The following ZSWIM6 variants were observed in gnomAD, a reference collection of about 807,000 sequenced individuals.
ZSWIM6 encodes the protein zinc finger SWIM-type containing 6, also known as zinc finger SWIM domain-containing protein 6.
ZSWIM6 carries 9 observed loss-of-function variants against 113.2 expected under a neutral mutation model. That is an observed-to-expected ratio of 0.08 (90% CI 0.05 to 0.14). The LOEUF (loss-of-function observed/expected upper bound fraction) is 0.14, where lower values mean the gene tolerates loss of function less well. Among genes scored for constraint, ZSWIM6 ranks in the 10% least tolerant of loss-of-function variants. The pLI is 1.00. For synonymous variants in ZSWIM6, 611 were observed against 606.5 expected (o/e 1.01, Z -0.11); for missense variants, 1,162 against 1,552.2 (o/e 0.75, Z 4.22).
At chr5:61,333,537 C>G (rs1744316115) in intron 1 of ZSWIM6, among the ~76,000 whole-genome samples, 1 of 152,006 alleles carries the variant, frequency 6.6e-6, no homozygotes, top group Non-Finnish European at 1.5e-5. Context: ...GGCGAGCGGC[C>G]GCGGCGCTCC....
chr5:61,514,423 T>C (rs2112249788), intron 4 of ZSWIM6, among the ~76,000 whole-genome samples: 1 of 152,140 alleles, frequency 6.6e-6, no homozygotes, highest in South Asian at 2.1e-4. Context: ...TGAATAGAAG[T>C]GGTAAGAGCA....
chr5:61,333,950 T>TCCCGCGTC lies in ZSWIM6; in HGVS notation c.676+1009_676+1016dup, dbSNP rs777711190. 1.6e-3 allele frequency among the ~76,000 whole-genome samples: 236 copies of TCCCGCGTC among 152,144 alleles called. 2 individuals carry two copies. Among genetic ancestry groups the TCCCGCGTC allele is most frequent in the Middle Eastern group, 0.01 (3 of 290 alleles). The stretch of plus-strand genomic sequence containing the variant: ...GCGAGGCAGAGGGCTCGGCGGCCGC[T>TCCCGCGTC]CCCGCGTCCCCGCGGCGCGGCAGCC... On this transcript the variant is annotated intron_variant, in intron 1 of 13. Transcript: ENST00000252744.
At chr5:61,483,254 G>C (rs1449104536) in intron 2 of ZSWIM6, among the ~76,000 whole-genome samples, 2 of 151,998 alleles carry the variant, frequency 1.3e-5, no homozygotes, top group Non-Finnish European at 2.9e-5. Flanking sequence ...AAAGACACCA[G>C]TTCCCTCCCA....
chr5:61,446,018 C>T (rs971503284), intron 1 of ZSWIM6, among the ~76,000 whole-genome samples: 1 of 152,130 alleles, frequency 6.6e-6, no homozygotes, highest in Non-Finnish European at 1.5e-5. Context: ...GAATAGCAAA[C>T]GTAGTATGAA....
At chr5:61,508,070 A>G (rs1748674198) in intron 4 of ZSWIM6, among the ~76,000 whole-genome samples, 1 of 152,160 alleles carries the variant, frequency 6.6e-6, no homozygotes, top group African/African-American at 2.4e-5. Flanking sequence ...TCTGCACATC[A>G]GTTTCCTTAT....
chr5:61,434,110 C>A (rs1746646016), intron 1 of ZSWIM6, among the ~76,000 whole-genome samples: 1 of 143,644 alleles, frequency 7.0e-6, no homozygotes. Context: ...CTATATATAA[C>A]ATCTATAAAT....
intron 1 of ZSWIM6, among the ~76,000 whole-genome samples, chr5:61,398,519 T>C (rs993296226): frequency 5.9e-5 from 9 of 152,152 alleles, no homozygotes; most frequent in African/African-American, 2.2e-4. Context: ...GTATAGTGTT[T>C]AAGATTTGGG....
At chr5:61,369,925 G>C (rs57430973) in intron 1 of ZSWIM6, among the ~76,000 whole-genome samples, 22,076 of 152,196 alleles carry the variant, frequency 0.15, 1,714 homozygotes, top group Non-Finnish European at 0.17. Context: ...GGACATCTGA[G>C]ATGTCAGATT....
intron 2 of ZSWIM6, among the ~76,000 whole-genome samples, chr5:61,480,588 C>T (rs1016792451): frequency 1.3e-5 from 2 of 152,172 alleles, no homozygotes; most frequent in African/African-American, 4.8e-5. Context: ...GCTGTTTCAA[C>T]TACAACAAAA....
At chr5:61,469,991 G>GCC (rs1315116074) in intron 1 of ZSWIM6, among the ~76,000 whole-genome samples, 1 of 152,232 alleles carries the variant, frequency 6.6e-6, no homozygotes, top group Non-Finnish European at 1.5e-5. Flanking sequence ...ACAGGCATGA[G>GCC]CCACCACTCC....
chr5:61,543,430 TAG>T lies in ZSWIM6; in HGVS notation c.2786-22_2786-21del. ...CTCTGGGCAGCCTCCTCGTCAGTAA[TAG>T]AGCCTGTTTGTGTTCCTTGCAGGGG... On this transcript the variant is annotated intron_variant, in intron 13 of 13. Coordinates refer to ENST00000252744, the MANE Select transcript of ZSWIM6 (RefSeq NM_020928.2). This position sits in a 1 kb window ranked among gnomAD's most constrained non-coding sequence, Gnocchi z 4.3. The T allele has an allele frequency of 6.5e-7, 1 of 1,536,244 alleles. No individual in the cohort carries two copies. The highest frequency in any genetic ancestry group is 8.8e-7 in the Non-Finnish European group (1 of 1,138,716).
At chr5:61,536,354 A>G (rs1165413639) in intron 10 of ZSWIM6, among the ~76,000 whole-genome samples, 3 of 152,234 alleles carry the variant, frequency 2.0e-5, no homozygotes, top group South Asian at 2.1e-4. Context: ...TTATATTTTA[A>G]TCTTACAAAT....
At chr5:61,430,821 C>T (rs939857987) in intron 1 of ZSWIM6, among the ~76,000 whole-genome samples, 2 of 152,036 alleles carry the variant, frequency 1.3e-5, no homozygotes, top group Admixed American at 6.6e-5. Context: ...CCAATGAAAC[C>T]GAAGTATTTT....
intron 4 of ZSWIM6, 130 bp from the exon 5 acceptor site, chr5:61,521,133 A>G: frequency 4.5e-6 from 2 of 449,308 alleles, no homozygotes. Flanking sequence ...AATTTAAAAA[A>G]TTTAAATTTA....
intron 1 of ZSWIM6, among the ~76,000 whole-genome samples, chr5:61,384,294 C>G (rs1043966978): frequency 1.3e-5 from 2 of 150,676 alleles, no homozygotes; most frequent in East Asian, 3.9e-4. Context: ...AACACTACTA[C>G]TTTACTGACA....
chr5:61,367,633 T>C (rs1281553836), intron 1 of ZSWIM6, among the ~76,000 whole-genome samples: 1 of 152,184 alleles, frequency 6.6e-6, no homozygotes, highest in African/African-American at 2.4e-5. Flanking sequence ...GGAGCTAGGA[T>C]TTGAACACAG....
At chr5:61,513,384 A>C (rs1748840504) in intron 4 of ZSWIM6, among the ~76,000 whole-genome samples, 2 of 152,002 alleles carry the variant, frequency 1.3e-5, no homozygotes, top group African/African-American at 4.8e-5. Context: ...GTCCTTTATC[A>C]CATGTACAAG....
intron 1 of ZSWIM6, among the ~76,000 whole-genome samples, chr5:61,336,775 A>G (rs1360176992): frequency 6.6e-6 from 1 of 152,224 alleles, no homozygotes; most frequent in Non-Finnish European, 1.5e-5. Flanking sequence ...AAAAAAATCA[A>G]AAAGTTTCTG....
At chr5:61,531,388 A>C in intron 8 of ZSWIM6, 77 bp from the exon 9 acceptor site, 1 of 1,441,990 alleles carries the variant, frequency 6.9e-7, no homozygotes, top group Non-Finnish European at 9.3e-7. Flanking sequence ...TGTACGGGGA[A>C]GTATAAATAT....
Sources: gnomAD v4.1 joint callset for allele counts (sites outside exome capture counted in the v4.1 genomes callset) on GRCh38, gnomAD v4.1.1 for gene constraint, Gnocchi (gnomAD v3.1) non-coding constraint, MANE v1.5 for transcripts, NCBI Gene and HGNC (gene_info 2026-07-23, HGNC 2026-07-21) for gene names.